Variants in TANC2 observed in about 807,000 individuals in gnomAD.
TANC2 encodes protein TANC2.
A neutral mutation model predicts 210.5 loss-of-function variants in TANC2; 26 were observed. The ratio of observed to expected loss-of-function variants is 0.12; its 90% CI spans 0.09 to 0.17. The LOEUF (loss-of-function observed/expected upper bound fraction) is 0.17. Among genes scored for constraint, TANC2 ranks in the 10% least tolerant of loss-of-function variants. The pLI is 1.00. For missense variants in TANC2, 2,129 were observed against 2,608.9 expected (o/e 0.82, Z 4.01); for synonymous variants, 931 against 967.1 (o/e 0.96, Z 0.69).
chr17:63,176,362 A>G (rs2040580289), intron 5 of TANC2, among the ~76,000 whole-genome samples: 1 of 152,232 alleles, frequency 6.6e-6, no homozygotes, highest in Non-Finnish European at 1.5e-5. Flanking sequence ...TATGAAAAGG[A>G]GCAAACTATT....
At chr17:63,355,060 A>G in exon 14 of TANC2, 1 of 1,613,912 alleles carries the variant, frequency 6.2e-7, no homozygotes, top group Non-Finnish European at 8.5e-7. Context: ...TCTAGCTACA[A>G]AGTAGTTCCT....
At chr17:63,202,981 C>T (rs2041585058) in intron 7 of TANC2, among the ~76,000 whole-genome samples, 1 of 152,128 alleles carries the variant, frequency 6.6e-6, no homozygotes. Context: ...ATATTCTTCA[C>T]ATTTTACCTG....
At chr17:63,220,858 G>A (rs569603935) in intron 7 of TANC2, among the ~76,000 whole-genome samples, 30 of 149,594 alleles carry the variant, frequency 2.0e-4, no homozygotes, top group African/African-American at 6.1e-4. Context: ...ACGTATATAC[G>A]TATATATGTA....
intron 7 of TANC2, among the ~76,000 whole-genome samples, chr17:63,230,051 C>T (rs2951888): frequency 0.051 from 7,791 of 152,232 alleles, 275 homozygotes; most frequent in Non-Finnish European, 0.075. Context: ...TCACCTCAAC[C>T]TCCCAAAGTG....
intron 7 of TANC2, among the ~76,000 whole-genome samples, chr17:63,208,075 CT>C (rs768566122): frequency 1.9e-4 from 29 of 152,168 alleles, no homozygotes; most frequent in Middle Eastern, 3.4e-3. Context: ...TGTGATTTTT[CT>C]TTTCCTTACA....
chr17:63,248,537 T>G (rs1276617806), intron 8 of TANC2, among the ~76,000 whole-genome samples: 1 of 152,136 alleles, frequency 6.6e-6, no homozygotes, highest in East Asian at 1.9e-4. Context: ...ATCATTTGAG[T>G]AACTTTTAAA....
At chr17:63,099,907 C>A (rs1337543144) in intron 4 of TANC2, among the ~76,000 whole-genome samples, 1 of 151,960 alleles carries the variant, frequency 6.6e-6, no homozygotes, top group Non-Finnish European at 1.5e-5. Context: ...ATATGTATTA[C>A]CCATTTAGAT....
chr17:63,038,683 T>C (rs1049803460), intron 2 of TANC2, among the ~76,000 whole-genome samples: 1 of 152,190 alleles, frequency 6.6e-6, no homozygotes, highest in East Asian at 1.9e-4. Context: ...CTATAGACTT[T>C]ATGTAATAGT....
At chr17:63,321,902 G>A (rs1267631681) in intron 11 of TANC2, among the ~76,000 whole-genome samples, 1 of 152,154 alleles carries the variant, frequency 6.6e-6, no homozygotes, top group East Asian at 1.9e-4. Flanking sequence ...TAAATTCTGT[G>A]TTTTCAGGTC....
intron 11 of TANC2, among the ~76,000 whole-genome samples, chr17:63,322,303 C>T (rs1206716129): frequency 2.0e-5 from 3 of 152,130 alleles, no homozygotes; most frequent in African/African-American, 4.8e-5. Flanking sequence ...TCGAGACCAT[C>T]CTGGCTAACA....
At chr17:63,410,165 A>C (rs990250950) in intron 21 of TANC2, among the ~76,000 whole-genome samples, 2 of 152,210 alleles carry the variant, frequency 1.3e-5, no homozygotes, top group Admixed American at 6.5e-5. Context: ...GAAAATGCTT[A>C]AAATGTACTT....
intron 4 of TANC2, among the ~76,000 whole-genome samples, chr17:63,129,003 C>T (rs2038816860): frequency 6.6e-6 from 1 of 151,946 alleles, no homozygotes; most frequent in Admixed American, 6.6e-5. Flanking sequence ...AGTTAAGTAG[C>T]CAGACTTTGT....
chr17:63,217,672 T>C (rs924031174), intron 7 of TANC2, among the ~76,000 whole-genome samples: 4 of 152,132 alleles, frequency 2.6e-5, no homozygotes, highest in African/African-American at 7.2e-5. Flanking sequence ...AGAAGAGTGA[T>C]ACCATTTCTA....
intron 9 of TANC2, among the ~76,000 whole-genome samples, chr17:63,273,007 G>C (rs185377966): frequency 6.6e-4 from 100 of 152,196 alleles, no homozygotes; most frequent in African/African-American, 2.4e-3. Context: ...TACACAGGCG[G>C]CTATGGCTGT....
chr17:63,191,445 A>G (rs1386219470), intron 5 of TANC2, among the ~76,000 whole-genome samples: 1 of 151,710 alleles, frequency 6.6e-6, no homozygotes, highest in Non-Finnish European at 1.5e-5. Context: ...TATTTCAGAT[A>G]TTCCCACCTT....
chr17:63,413,660 C>T (rs769289401), intron 25 of TANC2, 26 bp downstream of exon 25: 4 of 1,554,718 alleles, frequency 2.6e-6, no homozygotes, highest in Non-Finnish European at 2.6e-6. Context: ...GACACAGTTT[C>T]TTCAGAACAG....
At chr17:63,135,181 A>C (rs545363022) in intron 4 of TANC2, among the ~76,000 whole-genome samples, 5 of 152,316 alleles carry the variant, frequency 3.3e-5, no homozygotes, top group Non-Finnish European at 2.9e-5. Context: ...GTGCCACTGC[A>C]CCAGCCTGGG....
intron 8 of TANC2, among the ~76,000 whole-genome samples, chr17:63,260,296 A>G (rs1412679374): frequency 6.6e-6 from 1 of 152,228 alleles, no homozygotes; most frequent in Non-Finnish European, 1.5e-5. Flanking sequence ...TTTTTTATTA[A>G]AAGGCAGCTA....
chr17:63,227,827 A>G (rs544866014), intron 7 of TANC2, among the ~76,000 whole-genome samples: 2 of 152,214 alleles, frequency 1.3e-5, no homozygotes, highest in South Asian at 4.2e-4. Context: ...GCATATGGCT[A>G]GCCAATTCTC....
Sources: gnomAD v4.1 joint callset for allele counts (sites outside exome capture counted in the v4.1 genomes callset) on GRCh38, gnomAD v4.1.1 for gene constraint, MANE v1.5 for transcripts, NCBI Gene and HGNC (gene_info 2026-07-23, HGNC 2026-07-21) for gene names.